KCNH1: variants seen among roughly 807,000 people sequenced by gnomAD.
KCNH1 encodes the protein voltage-gated delayed rectifier potassium channel KCNH1.
KCNH1 carries 27 observed loss-of-function variants against 69.2 expected under a neutral mutation model. That is an observed-to-expected ratio of 0.39 (90% CI 0.29 to 0.54). The LOEUF is 0.54. Among genes scored for constraint, KCNH1 ranks in the 20% least tolerant of loss-of-function variants. The pLI, the probability that KCNH1 is intolerant of heterozygous loss-of-function variation, is 0.68. For synonymous variants in KCNH1, 456 were observed against 487.7 expected, an observed-to-expected ratio of 0.93 and a Z score of 0.86; for missense variants, 798 against 1,261.6, an observed-to-expected ratio of 0.63 and a Z score of 5.57.
chr1:210,978,071 G>A (rs889820763), intron 6 of KCNH1, among the ~76,000 whole-genome samples: 5 of 145,918 alleles, frequency 3.4e-5, no homozygotes, highest in African/African-American at 5.1e-5. Flanking sequence ...ATGGAGTCTC[G>A]CTCTGTGCCT....
At chr1:210,905,213 A>G (rs1687077411) in intron 7 of KCNH1, among the ~76,000 whole-genome samples, 1 of 152,178 alleles carries the variant, frequency 6.6e-6, no homozygotes, top group African/African-American at 2.4e-5. Context: ...TTTTAGGCAA[A>G]TGACTTATCA....
At chr1:210,936,357 T>C (rs1687774406) in intron 6 of KCNH1, among the ~76,000 whole-genome samples, 1 of 152,202 alleles carries the variant, frequency 6.6e-6, no homozygotes, top group South Asian at 2.1e-4. Context: ...TCTCACCACC[T>C]TCTTGATTTA....
chr1:210,822,387 A>G (rs1420994605), intron 7 of KCNH1, among the ~76,000 whole-genome samples: 1 of 152,068 alleles, frequency 6.6e-6, no homozygotes, highest in African/African-American at 2.4e-5. Context: ...AGACACTTAG[A>G]TTTGCCCATG....
rs957249970 is a variant in KCNH1 at position 210,919,131 on chromosome 1, A to C, written c.1462+509T>G. Reference sequence around the variant, plus strand: ...TGCTTTCACCAAAAAAAAGGTAATGATGTAAAGGAATGGATATGTTAATTT... The same window carrying C: ...TGCTTTCACCAAAAAAAAGGTAATGCTGTAAAGGAATGGATATGTTAATTT... On this transcript the variant is annotated intron_variant, in intron 7 of 10. Transcript: ENST00000271751. The surrounding 1 kb of genome is among the most constrained non-coding windows in gnomAD (Gnocchi z 4.2). 6.5e-6 allele frequency: 1 copy of C among 153,880 alleles called. No homozygotes were observed. Among genetic ancestry groups the C allele is most frequent in the Non-Finnish European group, 1.4e-5 (1 of 69,118 alleles). The allele number at this position is 153,880 out of a possible 1,614,324, so 9.5% of individuals were successfully genotyped here.
Position 210,702,726 on chromosome 1 carries a change from C to T in KCNH1, c.2113-18588G>A, listed in dbSNP as rs576542259. 3.7e-4 allele frequency among the ~76,000 whole-genome samples: 57 copies of T among 152,320 alleles called. 1 individual carries two copies. The highest frequency in any genetic ancestry group is 7.4e-5 in the Non-Finnish European group (5 of 68,026). On this transcript the variant is annotated intron_variant, in intron 10 of 10. Transcript: ENST00000271751. Reference sequence around the variant, plus strand: ...ATTTTAGGCTGCAGTTTACCTCCTTCTCACCCCATGGTGATTTGTGCTTCT... The same window carrying T: ...ATTTTAGGCTGCAGTTTACCTCCTTTTCACCCCATGGTGATTTGTGCTTCT...
At chr1:210,768,388 C>A (rs1408111447) in intron 10 of KCNH1, among the ~76,000 whole-genome samples, 3 of 152,140 alleles carry the variant, frequency 2.0e-5, no homozygotes, top group African/African-American at 7.2e-5. Flanking sequence ...ACTGCAGGAT[C>A]CACATTTTAA....
chr1:210,767,840 CTGTA>C (rs1683669083), intron 10 of KCNH1, among the ~76,000 whole-genome samples: 1 of 152,232 alleles, frequency 6.6e-6, no homozygotes, highest in African/African-American at 2.4e-5. Flanking sequence ...GTGGTAAACA[CTGTA>C]TGTAACAGTA....
chr1:210,715,149 C>A (rs1157077248), intron 10 of KCNH1, among the ~76,000 whole-genome samples: 2 of 152,200 alleles, frequency 1.3e-5, no homozygotes, highest in African/African-American at 2.4e-5. Context: ...TAGAAACCCC[C>A]AGCTATCTTC....
intron 1 of KCNH1, among the ~76,000 whole-genome samples, chr1:211,126,994 G>GT (rs1691788812): frequency 6.6e-6 from 1 of 152,196 alleles, no homozygotes; most frequent in Non-Finnish European, 1.5e-5. Flanking sequence ...TTTGGGTGAG[G>GT]TGTTTATAAA....
chr1:210,716,648 C>T (rs1682259068), intron 10 of KCNH1, among the ~76,000 whole-genome samples: 1 of 152,154 alleles, frequency 6.6e-6, no homozygotes, highest in African/African-American at 2.4e-5. Context: ...CTACTACATT[C>T]ACTGAGGCCT....
intron 5 of KCNH1, among the ~76,000 whole-genome samples, chr1:211,067,405 G>A (rs1338633634): frequency 6.6e-6 from 1 of 152,194 alleles, no homozygotes; most frequent in African/African-American, 2.4e-5. Flanking sequence ...GTGGCTAAGG[G>A]CCTGGTCATT....
Position 210,984,514 on chromosome 1 carries a change from T to G in KCNH1, c.1032+34269A>C, listed in dbSNP as rs527444020. Among the ~76,000 whole-genome samples the G allele has an allele frequency of 5.3e-5, 8 of 152,330 alleles. No individual in the cohort carries two copies. The South Asian group carries it at 1.0e-3, about 20-fold the overall frequency. ...GTTGAATTTTGTCAAAGGTCTTTTC[T>G]GCATCTATTGAGATAATCATGTGGT... is the stretch of plus-strand genomic sequence containing the variant. On this transcript the variant is annotated intron_variant, in intron 6 of 10. Transcript: ENST00000271751.
At chr1:210,934,891 A>C (rs1687748108) in intron 6 of KCNH1, among the ~76,000 whole-genome samples, 1 of 152,068 alleles carries the variant, frequency 6.6e-6, no homozygotes, top group African/African-American at 2.4e-5. Flanking sequence ...ATATACAAGC[A>C]ATATAAATTG....
intron 7 of KCNH1, among the ~76,000 whole-genome samples, chr1:210,856,835 TATATAAA>T (rs1279645093): frequency 8.3e-6 from 1 of 120,226 alleles, no homozygotes; most frequent in African/African-American, 2.9e-5. Context: ...ATATATAATA[TATATAAA>T]ATATATATGT....
chr1:210,917,725 C>G (rs1256733053), intron 7 of KCNH1, among the ~76,000 whole-genome samples: 1 of 152,122 alleles, frequency 6.6e-6, no homozygotes, highest in East Asian at 1.9e-4. Context: ...AGAAGGAAAT[C>G]AAATCATGTC....
rs547066851 is a variant in KCNH1, at chr1:211,107,016, T to C, written c.203+238A>G. On this transcript the variant is annotated intron_variant, in intron 2 of 10. Coordinates refer to ENST00000271751, the MANE Select transcript of KCNH1 (RefSeq NM_172362.3). ...TTATAGACAGAATGGTTTTCCTGAG[T>C]TCTTCTGGGTTTTCTCCCATCTTAG... Among the ~76,000 whole-genome samples, 18 of 152,284 alleles carry C rather than the reference T, an allele frequency of 1.2e-4. No individual in the cohort carries two copies. In the Middle Eastern group the frequency reaches 0.014, roughly 115 times the overall value.
intron 8 of KCNH1, among the ~76,000 whole-genome samples, chr1:210,802,456 G>A (rs1684448879): frequency 6.6e-6 from 1 of 152,084 alleles, no homozygotes; most frequent in African/African-American, 2.4e-5. Flanking sequence ...CTTATGGACT[G>A]GAGAGAAAAA....
intron 5 of KCNH1, among the ~76,000 whole-genome samples, chr1:211,071,024 A>C (rs543702252): frequency 1.3e-5 from 2 of 152,326 alleles, no homozygotes; most frequent in South Asian, 2.1e-4. Context: ...AAGTCAATTA[A>C]CACATCTTTT....
At chr1:211,117,008 T>A (rs1691594594) in intron 1 of KCNH1, among the ~76,000 whole-genome samples, 1 of 152,158 alleles carries the variant, frequency 6.6e-6, no homozygotes, top group Non-Finnish European at 1.5e-5. Context: ...TTAATAAGAA[T>A]CAAACCTCCA....
Sources: gnomAD v4.1 joint callset for allele counts (sites outside exome capture counted in the v4.1 genomes callset) on GRCh38, gnomAD v4.1.1 for gene constraint, Gnocchi (gnomAD v3.1) non-coding constraint, MANE v1.5 for transcripts, NCBI Gene and HGNC (gene_info 2026-07-23, HGNC 2026-07-21) for gene names.